Variants in SAMD3 observed in about 807,000 individuals in gnomAD.
SAMD3 encodes the protein sterile alpha motif domain containing 3.
A neutral mutation model predicts 58.5 loss-of-function variants in SAMD3; 63 were observed. The ratio of observed to expected loss-of-function variants is 1.08; its 90% confidence interval spans 0.88 to 1.33. SAMD3 has a LOEUF of 1.33. Ranked by LOEUF, SAMD3 falls within the 40% of genes most tolerant of loss-of-function variation. The probability of loss-of-function intolerance (pLI) is 0.00; values close to 1 mark genes in which losing one functional copy is unlikely to be tolerated. For missense variants in SAMD3, 604 were observed against 608.4 expected (o/e 0.99, Z 0.08); for synonymous variants, 220 against 210.3 (o/e 1.05, Z -0.40).
At chr6:130,249,107 G>A (rs1773653367) in intron 2 of SAMD3, among the ~76,000 whole-genome samples, 1 of 152,126 alleles carries the variant, frequency 6.6e-6, no homozygotes, top group Non-Finnish European at 1.5e-5. Context: ...CCAGTGGCAT[G>A]CCCCATAGAT....
At chr6:130,274,959 C>T (rs190213541) in intron 2 of SAMD3, among the ~76,000 whole-genome samples, 2 of 151,986 alleles carry the variant, frequency 1.3e-5, no homozygotes, top group Non-Finnish European at 2.9e-5. Context: ...TTTTTGGACC[C>T]TTGGCACTCA....
chr6:130,364,959 G>A (rs913750952), intron 1 of SAMD3, among the ~76,000 whole-genome samples: 2 of 139,800 alleles, frequency 1.4e-5, no homozygotes, highest in African/African-American at 5.4e-5. Context: ...ATCACACGCC[G>A]AAATAAACAA....
At chr6:130,189,995 G>A (rs1005034435) in intron 5 of SAMD3, among the ~76,000 whole-genome samples, 3 of 152,152 alleles carry the variant, frequency 2.0e-5, no homozygotes, top group African/African-American at 7.2e-5. Context: ...AGACTTGGGG[G>A]CAGGATTTCG....
chr6:130,179,942 G>A lies in SAMD3; in HGVS notation c.655-3934C>T, dbSNP rs375558897. Among the ~76,000 whole-genome samples, 6 of 151,316 alleles carry A rather than the reference G, an allele frequency of 4.0e-5. No homozygotes were observed. The South Asian group carries it at 8.3e-4, about 21-fold the overall frequency. On this transcript the variant is annotated intron_variant, in intron 7 of 11. Transcript: ENST00000439090. Reference sequence around the variant, plus strand: ...CGATTCTCCTGCCTCAGCCTCCCGTGTAGCTGGGAATACAGTTACCTGCCA... The same window carrying A: ...CGATTCTCCTGCCTCAGCCTCCCGTATAGCTGGGAATACAGTTACCTGCCA...
intron 1 of SAMD3, among the ~76,000 whole-genome samples, chr6:130,218,454 A>T (rs1377849143): frequency 6.6e-6 from 1 of 152,186 alleles, no homozygotes; most frequent in East Asian, 1.9e-4. Context: ...TGGCCTGATG[A>T]TATTCTTCCA....
At chr6:130,348,331 C>G (rs1358307482) in intron 1 of SAMD3, among the ~76,000 whole-genome samples, 1 of 152,016 alleles carries the variant, frequency 6.6e-6, no homozygotes, top group Non-Finnish European at 1.5e-5. Flanking sequence ...TTCAGGAAAC[C>G]CATCTTATGT....
At chr6:130,341,851 T>G (rs1026735755) in intron 1 of SAMD3, among the ~76,000 whole-genome samples, 2 of 152,244 alleles carry the variant, frequency 1.3e-5, no homozygotes, top group Non-Finnish European at 2.9e-5. Context: ...TACCATCATG[T>G]GTTTTCCACC....
rs553346133 is a variant in SAMD3, at chr6:130,148,930, T to C, written c.1024-2749A>G. On this transcript the variant is annotated intron_variant, in intron 9 of 11. Transcript: ENST00000439090. ...TGTGCAACTTGCTACGGAGATGTTATTGCTTTAGACTTTCTCATAGAAGAA... is the reference window on the plus strand; with the variant it reads ...TGTGCAACTTGCTACGGAGATGTTACTGCTTTAGACTTTCTCATAGAAGAA... 4.6e-5 allele frequency among the ~76,000 whole-genome samples: 7 copies of C among 152,292 alleles called. No individual in the cohort carries two copies. In the South Asian group the frequency reaches 1.0e-3, roughly 23 times the overall value.
chr6:130,316,798 A>C (rs912289046), intron 1 of SAMD3, among the ~76,000 whole-genome samples: 2 of 152,222 alleles, frequency 1.3e-5, no homozygotes, highest in Non-Finnish European at 2.9e-5. Context: ...AAAGAGCTTC[A>C]CATGAGTTCA....
intron 2 of SAMD3, among the ~76,000 whole-genome samples, chr6:130,270,576 A>G (rs933990846): frequency 6.6e-6 from 1 of 152,200 alleles, no homozygotes; most frequent in Admixed American, 6.5e-5. Flanking sequence ...AAGTAGTTAA[A>G]CCTAAACCAA....
chr6:130,188,212 A>ATTT (rs1233727732), intron 5 of SAMD3, among the ~76,000 whole-genome samples: 1 of 152,198 alleles, frequency 6.6e-6, no homozygotes, highest in Non-Finnish European at 1.5e-5. Context: ...GTATACTCTG[A>ATTT]TGAGGCTCAC....
intron 2 of SAMD3, among the ~76,000 whole-genome samples, chr6:130,301,622 C>T (rs1186450800): frequency 6.6e-6 from 1 of 152,042 alleles, no homozygotes; most frequent in Non-Finnish European, 1.5e-5. Flanking sequence ...CCCAAATAGC[C>T]AAAGCAATCC....
chr6:130,180,594 G>A (rs1474378130), intron 7 of SAMD3, among the ~76,000 whole-genome samples: 2 of 152,176 alleles, frequency 1.3e-5, no homozygotes, highest in South Asian at 2.1e-4. Flanking sequence ...GTGACGTGAT[G>A]TTGCTCCTCT....
At chr6:130,181,405 C>T (rs949854683) in intron 7 of SAMD3, among the ~76,000 whole-genome samples, 2 of 152,134 alleles carry the variant, frequency 1.3e-5, no homozygotes, top group African/African-American at 2.4e-5. Flanking sequence ...CACACACACT[C>T]GCAGGGAGAA....
At chr6:130,265,742 C>T (rs903168174) in intron 2 of SAMD3, among the ~76,000 whole-genome samples, 7 of 150,556 alleles carry the variant, frequency 4.6e-5, no homozygotes, top group African/African-American at 9.8e-5. Flanking sequence ...GGCTCATAAA[C>T]GATATGAGTA....
chr6:130,344,111 A>G (rs1777367703), intron 1 of SAMD3, among the ~76,000 whole-genome samples: 1 of 152,174 alleles, frequency 6.6e-6, no homozygotes, highest in Admixed American at 6.5e-5. Context: ...CTTATTACCA[A>G]CTTATTTATT....
chr6:130,145,426 TCAAAG>T lies in SAMD3; in HGVS notation c.1196-9_1196-5del. 6.2e-7 allele frequency: 1 copy of T among 1,600,418 alleles called. No individual in the cohort carries two copies. Among genetic ancestry groups the T allele is most frequent in the Non-Finnish European group, 8.6e-7 (1 of 1,168,840 alleles). ...CATGTGGCTGTCATCTTCATGTCTGTCAAAGCAAATATGTTAACATGTGAAGTAAA... is the reference window on the plus strand; with the variant it reads ...CATGTGGCTGTCATCTTCATGTCTGTCAAATATGTTAACATGTGAAGTAAA... On this transcript the variant is annotated splice_region_variant and splice_polypyrimidine_tract_variant and intron_variant, in intron 10 of 11. Transcript: ENST00000439090.
chr6:130,187,518 A>G (rs950369929), intron 5 of SAMD3, among the ~76,000 whole-genome samples: 1 of 152,204 alleles, frequency 6.6e-6, no homozygotes, highest in South Asian at 2.1e-4. Flanking sequence ...TTGACTAAAA[A>G]CCAACCCATG....
intron 2 of SAMD3, among the ~76,000 whole-genome samples, chr6:130,276,008 G>A (rs1241129457): frequency 3.9e-5 from 6 of 151,932 alleles, no homozygotes; most frequent in African/African-American, 1.5e-4. Context: ...TTTGAGAAGG[G>A]GAAAATTTTC....
Sources: gnomAD v4.1 joint callset for allele counts (sites outside exome capture counted in the v4.1 genomes callset) on GRCh38, gnomAD v4.1.1 for gene constraint, MANE v1.5 for transcripts, NCBI Gene and HGNC (gene_info 2026-07-23, HGNC 2026-07-21) for gene names.